CCDC178: variants seen among roughly 807,000 people sequenced by gnomAD.
CCDC178 encodes the protein coiled-coil domain-containing protein 178.
Under a neutral mutation model 117.4 loss-of-function variants are expected in CCDC178, and 126 were observed. That is an observed-to-expected ratio of 1.07 (90% CI 0.93 to 1.24). The LOEUF (loss-of-function observed/expected upper bound fraction) is 1.24. Among genes scored for constraint, CCDC178 ranks in the 50% most tolerant of loss-of-function variants. The probability of loss-of-function intolerance (pLI) is 0.00; values close to 1 mark genes in which losing one functional copy is unlikely to be tolerated. For missense variants in CCDC178, 1,030 were observed against 986.9 expected (o/e 1.04, Z -0.59); for synonymous variants, 283 against 313.4 (o/e 0.90, Z 1.02).
chr18:33,366,776 G>A (rs2063213590), intron 6 of CCDC178, among the ~76,000 whole-genome samples: 1 of 151,960 alleles, frequency 6.6e-6, no homozygotes, highest in African/African-American at 2.4e-5. Context: ...CCTAACCCCT[G>A]GAAACTGGTG....
intron 3 of CCDC178, among the ~76,000 whole-genome samples, chr18:33,402,763 T>C (rs1180543686): frequency 6.6e-6 from 1 of 152,202 alleles, no homozygotes; most frequent in Non-Finnish European, 1.5e-5. Flanking sequence ...AAGGGTCTCA[T>C]TATGTCGCCC....
chr18:33,269,073 T>C (rs1292421867), intron 12 of CCDC178, among the ~76,000 whole-genome samples: 1 of 151,756 alleles, frequency 6.6e-6, no homozygotes, highest in East Asian at 1.9e-4. Context: ...AAAATTGTCT[T>C]TATTTGACCT....
At chr18:33,378,564 C>T (rs1316572329) in intron 5 of CCDC178, among the ~76,000 whole-genome samples, 2 of 151,658 alleles carry the variant, frequency 1.3e-5, no homozygotes, top group African/African-American at 2.4e-5. Flanking sequence ...ATGATGCTGG[C>T]TGTGGGTCTG....
rs117303725 is a variant in CCDC178 at position 33,310,290 on chromosome 18, C to T, written c.1022+13201G>A. On this transcript the variant is annotated intron_variant, in intron 11 of 22. Transcript: ENST00000383096. ...TTATTCTAAAAGAGATAGTATAGGACAAATCAAAAGGTCCACACGTGTAGA... is the reference window on the plus strand; with the variant it reads ...TTATTCTAAAAGAGATAGTATAGGATAAATCAAAAGGTCCACACGTGTAGA... 4.7e-3 allele frequency among the ~76,000 whole-genome samples: 718 copies of T among 152,114 alleles called. 6 individuals are homozygous for T. The highest frequency in any genetic ancestry group is 8.5e-3 in the Non-Finnish European group (580 of 67,994).
At chr18:33,156,274 G>A (rs2144361382) in intron 20 of CCDC178, among the ~76,000 whole-genome samples, 1 of 151,462 alleles carries the variant, frequency 6.6e-6, no homozygotes, top group East Asian at 1.9e-4. Context: ...ATTTTTAGTG[G>A]AGTTGAGATT....
intron 21 of CCDC178, among the ~76,000 whole-genome samples, chr18:33,029,928 G>A: frequency 6.6e-6 from 1 of 151,900 alleles, no homozygotes; most frequent in Non-Finnish European, 1.5e-5. Context: ...ATATGCTCTT[G>A]AGAAGAATAT....
chr18:33,055,829 G>C (rs1016094264), intron 21 of CCDC178, among the ~76,000 whole-genome samples: 3 of 150,550 alleles, frequency 2.0e-5, no homozygotes, highest in Non-Finnish European at 3.0e-5. Context: ...TTTTGAGAAG[G>C]AGTCTTGCTC....
At chr18:32,995,195 T>C (rs923013997) in intron 21 of CCDC178, among the ~76,000 whole-genome samples, 1 of 152,160 alleles carries the variant, frequency 6.6e-6, no homozygotes, top group Non-Finnish European at 1.5e-5. Flanking sequence ...GAGGAACTTA[T>C]GGCACATAAT....
intron 7 of CCDC178, among the ~76,000 whole-genome samples, chr18:33,353,793 A>G (rs1272572858): frequency 1.3e-5 from 2 of 152,140 alleles, no homozygotes; most frequent in Non-Finnish European, 2.9e-5. Flanking sequence ...TTGACCTTAT[A>G]ATCATATAGG....
At chr18:33,215,156 T>C (rs1395106074) in intron 19 of CCDC178, among the ~76,000 whole-genome samples, 1 of 152,028 alleles carries the variant, frequency 6.6e-6, no homozygotes, top group Non-Finnish European at 1.5e-5. Flanking sequence ...CGAGGTTTCA[T>C]AGAATATCTG....
Position 32,974,620 on chromosome 18 carries a change from A to T in CCDC178, c.2450T>A (p.Leu817His), listed in dbSNP as rs2054995483. 1 of 1,613,472 alleles carries T rather than the reference A, an allele frequency of 6.2e-7. No individual in the cohort carries two copies. Among genetic ancestry groups the T allele is most frequent in the African/African-American group, 1.3e-5 (1 of 74,916 alleles). The change falls in exon 22 of 23, where the codon CTC becomes CAC. Residue 817 changes from leucine (L) to histidine (H), a missense_variant. Physicochemically the swap from Leu to His is moderately conservative, Grantham distance 99 (BLOSUM62 -3). Transcript: ENST00000383096. ...GTTGGCCAGCCTCATCTGGCTGAAG[A>T]GGACCACCAGTTTGAAGTGCTCCTG... ...LWQEHFKLVV[L>H]FSQMRLANFQ...
rs200388828 is a variant in CCDC178, at chr18:32,974,600, C to T, written c.2470G>A (p.Ala824Thr). Reference protein sequence around the residue: ...LVVLFSQMRLANFQTDSQESI... With the variant: ...LVVLFSQMRLTNFQTDSQESI... ...TCCTGAGAGTCTGTCTGGAAGTTGG[C>T]CAGCCTCATCTGGCTGAAGAGGACC... The change falls in exon 22 of 23, where the codon GCC becomes ACC. Residue 824 changes from alanine (A) to threonine (T), a missense_variant. Coordinates refer to ENST00000383096, the MANE Select transcript of CCDC178 (RefSeq NM_001105528.4). The T allele has an allele frequency of 8.7e-6, 14 of 1,613,542 alleles. No homozygotes were observed. The Admixed American group carries it at 1.8e-4, about 21-fold the overall frequency.
intron 21 of CCDC178, among the ~76,000 whole-genome samples, chr18:33,055,477 C>T (rs1039225569): frequency 6.6e-6 from 1 of 151,928 alleles, no homozygotes; most frequent in Non-Finnish European, 1.5e-5. Context: ...GCTGGGACAG[C>T]AGGTGCACGC....
chr18:32,952,615 A>T (rs2054511767), intron 22 of CCDC178, among the ~76,000 whole-genome samples: 1 of 152,138 alleles, frequency 6.6e-6, no homozygotes, highest in South Asian at 2.1e-4. Flanking sequence ...GCTGCTGTGA[A>T]GGTCTCTAAC....
chr18:33,045,179 T>C (rs1163675697), intron 21 of CCDC178, among the ~76,000 whole-genome samples: 1 of 151,938 alleles, frequency 6.6e-6, no homozygotes, highest in Non-Finnish European at 1.5e-5. Flanking sequence ...TAAAATAAAT[T>C]GTAAAAAGAT....
intron 22 of CCDC178, among the ~76,000 whole-genome samples, chr18:32,955,081 C>T (rs556856341): frequency 3.9e-5 from 6 of 152,260 alleles, no homozygotes; most frequent in African/African-American, 1.4e-4. Flanking sequence ...AACCTCTACT[C>T]CATTTCCATC....
chr18:33,079,934 C>A (rs2057271234), intron 21 of CCDC178, among the ~76,000 whole-genome samples: 1 of 152,156 alleles, frequency 6.6e-6, no homozygotes, highest in Non-Finnish European at 1.5e-5. Context: ...GGTATGTACC[C>A]AGAGGAATAG....
At chr18:33,077,158 G>T (rs544484624) in intron 21 of CCDC178, among the ~76,000 whole-genome samples, 2 of 152,292 alleles carry the variant, frequency 1.3e-5, no homozygotes, top group South Asian at 4.1e-4. Context: ...TTTAAAGAGA[G>T]ACAGTTATAC....
chr18:32,961,716 T>C (rs758457274), intron 22 of CCDC178, among the ~76,000 whole-genome samples: 27 of 152,204 alleles, frequency 1.8e-4, no homozygotes, highest in Middle Eastern at 3.4e-3. Context: ...CGTGCTCCTA[T>C]GATAATCTAA....
Sources: gnomAD v4.1 joint callset for allele counts (sites outside exome capture counted in the v4.1 genomes callset) on GRCh38, gnomAD v4.1.1 for gene constraint, MANE v1.5 for transcripts, NCBI Gene and HGNC (gene_info 2026-07-23, HGNC 2026-07-21) for gene names.